Variants in PFKFB4 observed in about 807,000 individuals in gnomAD.
PFKFB4 encodes the protein 6-phosphofructo-2-kinase/fructose-2,6-bisphosphatase 4.
A neutral mutation model predicts 62.8 loss-of-function variants in PFKFB4; 42 were observed. The observed-to-expected ratio is 0.67, with a 90% CI of 0.52 to 0.86. The LOEUF is 0.86. Among genes scored for constraint, PFKFB4 ranks in the 40% least tolerant of loss-of-function variants. PFKFB4 has a pLI of 0.00. For missense variants in PFKFB4, 475 were observed against 627.2 expected, an observed-to-expected ratio of 0.76 and a Z score of 2.59; for synonymous variants, 204 against 240.7, an observed-to-expected ratio of 0.85 and a Z score of 1.41.
intron 1 of PFKFB4, among the ~76,000 whole-genome samples, chr3:48,551,662 A>T (rs895314852): frequency 4.8e-5 from 7 of 147,194 alleles, no homozygotes; most frequent in Non-Finnish European, 1.0e-4. Flanking sequence ...CTCGTGCCTC[A>T]GCCTCTCAAG....
At chr3:48,543,552 C>T in intron 4 of PFKFB4, 28 bp downstream of exon 4, 3 of 1,587,416 alleles carry the variant, frequency 1.9e-6, no homozygotes, top group Non-Finnish European at 2.6e-6. Flanking sequence ...TGTGTCACTC[C>T]CAGCTGTCAC....
At position 48,519,496 on chromosome 3, in the gene PFKFB4, C is replaced by T. The variant is rs749634456; in HGVS notation, c.*251G>A. ...GAAGAAACTGGGGCTGGGCAACCTC[C>T]GCGCAGCCCATGCAGATGCAGTCTG... On this transcript the variant is annotated 3_prime_UTR_variant, in exon 14 of 14. Transcript: ENST00000232375. The T allele has an allele frequency of 6.6e-4, 327 of 497,786 alleles. 2 individuals carry two copies. Among genetic ancestry groups the T allele is most frequent in the Non-Finnish European group, 1.0e-3 (284 of 276,634 alleles). The allele number at this position is 497,786 out of a possible 1,614,324, so 30.8% of individuals were successfully genotyped here. A position where few individuals can be genotyped will look rare whatever the true frequency, so the allele number is the denominator to read the frequency against.
chr3:48,538,633 G>C lies in PFKFB4; in HGVS notation c.511-14C>G. On this transcript the variant is annotated splice_polypyrimidine_tract_variant and intron_variant, in intron 6 of 13. Coordinates refer to ENST00000232375, the MANE Select transcript of PFKFB4 (RefSeq NM_004567.4). ...CAGTTTCACTTGCTGCCGGAGCCAGGCACAGAGAAAGGACATATCAGGGTC... is the reference window on the plus strand; with the variant it reads ...CAGTTTCACTTGCTGCCGGAGCCAGCCACAGAGAAAGGACATATCAGGGTC... 6.2e-7 allele frequency: 1 copy of C among 1,614,082 alleles called. No individual in the cohort carries two copies. The highest frequency in any genetic ancestry group is 1.1e-5 in the South Asian group (1 of 91,078).
chr3:48,540,662 C>T (rs557658021), intron 4 of PFKFB4, among the ~76,000 whole-genome samples: 2 of 151,794 alleles, frequency 1.3e-5, no homozygotes, highest in East Asian at 1.9e-4. Context: ...CAGGCTGGAG[C>T]GTAGTGGAGC....
intron 4 of PFKFB4, among the ~76,000 whole-genome samples, chr3:48,542,679 C>T (rs537507800): frequency 1.3e-5 from 2 of 152,162 alleles, no homozygotes; most frequent in Non-Finnish European, 1.5e-5. Context: ...AGAGATGAAG[C>T]TTTTAGGAAG....
intron 9 of PFKFB4, among the ~76,000 whole-genome samples, chr3:48,530,705 G>T (rs13069677): frequency 6.6e-6 from 1 of 151,030 alleles, no homozygotes; most frequent in Non-Finnish European, 1.5e-5. Flanking sequence ...GTTTTGTTTT[G>T]TTTTCTTTTC....
At position 48,538,577 on chromosome 3, in the gene PFKFB4, C is replaced by T. The variant is rs1436489090; in HGVS notation, c.553G>A (p.Asp185Asn). 1.2e-6 allele frequency: 2 copies of T among 1,614,206 alleles called. No individual in the cohort carries two copies. Among genetic ancestry groups the T allele is most frequent in the Non-Finnish European group, 1.7e-6 (2 of 1,180,036 alleles). ...GSPDYVNRDSDEATEDFMRRI... is the reference protein window; with the variant it reads ...GSPDYVNRDSNEATEDFMRRI... Reference sequence around the variant, plus strand: ...CTCATGAAGTCCTCCGTAGCCTCATCACTGTCGCGGTTGACATAGTCAGGG... The same window carrying T: ...CTCATGAAGTCCTCCGTAGCCTCATTACTGTCGCGGTTGACATAGTCAGGG... Residue 185 changes from aspartate (D) to asparagine (N), a missense_variant, in exon 7 of 14, where the codon GAT becomes AAT. Physicochemically the swap from Asp to Asn is conservative, Grantham distance 23 (BLOSUM62 1). Coordinates refer to ENST00000232375, the MANE Select transcript of PFKFB4 (RefSeq NM_004567.4).
intron 4 of PFKFB4, among the ~76,000 whole-genome samples, chr3:48,543,106 C>T (rs9869698): frequency 0.15 from 22,278 of 152,060 alleles, 3,663 homozygotes; most frequent in African/African-American, 0.4. Context: ...CTATATAAGG[C>T]TGGGGTAGAG....
At chr3:48,536,878 C>T in intron 7 of PFKFB4, 1 of 178,608 alleles carries the variant, frequency 5.6e-6, no homozygotes, top group South Asian at 1.3e-4. Context: ...GAGTAGCTGG[C>T]AAACGCTCCA....
chr3:48,532,215 C>T (rs1338446724), intron 9 of PFKFB4, among the ~76,000 whole-genome samples: 2 of 152,164 alleles, frequency 1.3e-5, no homozygotes, highest in Admixed American at 6.5e-5. Flanking sequence ...GAGGCTGAGG[C>T]AGGGGAATTG....
At chr3:48,562,915 C>G, upstream of PFKFB4, 1 of 1,604,514 alleles carries the variant, frequency 6.2e-7, no homozygotes, top group Non-Finnish European at 8.5e-7. The surrounding 1 kb of genome is among the most constrained non-coding windows in gnomAD (Gnocchi z 4.3). Flanking sequence ...GGACAATGCG[C>G]GAGCCAGGGT....
upstream of PFKFB4, chr3:48,561,586 C>T (rs902405502): frequency 1.3e-5 from 2 of 152,816 alleles, no homozygotes; most frequent in Non-Finnish European, 2.9e-5. The surrounding 1 kb of genome is among the most constrained non-coding windows in gnomAD (Gnocchi z 5.2). Context: ...GTATGACTCA[C>T]CCACCATGTG....
intron 9 of PFKFB4, among the ~76,000 whole-genome samples, chr3:48,530,037 G>A (rs1459362423): frequency 6.6e-6 from 1 of 151,952 alleles, no homozygotes. Context: ...TGGATCACCT[G>A]AGGTCAAGAG....
At chr3:48,539,194 C>T (rs1359356108) in intron 6 of PFKFB4, 60 bp downstream of exon 6, 21 of 1,355,766 alleles carry the variant, frequency 1.5e-5, no homozygotes, top group Non-Finnish European at 2.1e-5. Flanking sequence ...TTAGCCAAAA[C>T]CTGAAAAGGG....
At chr3:48,552,634 C>A (rs2043190695) in intron 1 of PFKFB4, among the ~76,000 whole-genome samples, 1 of 152,220 alleles carries the variant, frequency 6.6e-6, no homozygotes, top group Admixed American at 6.5e-5. Flanking sequence ...TCTCAAGCAA[C>A]CAAGGGCAGT....
At chr3:48,543,385 G>C (rs902400166) in intron 4 of PFKFB4, among the ~76,000 whole-genome samples, 195 bp downstream of exon 4, 1 of 152,344 alleles carries the variant, frequency 6.6e-6, no homozygotes, top group East Asian at 1.9e-4. Context: ...ATGCCCAGAG[G>C]GAAACTCCTG....
intron 6 of PFKFB4, 121 bp from the exon 7 acceptor site, chr3:48,538,740 C>G (rs2042708990): frequency 7.7e-7 from 1 of 1,299,724 alleles, no homozygotes; most frequent in East Asian, 2.5e-5. Flanking sequence ...GTGCGGGAAC[C>G]TGAGGCTGGA....
At chr3:48,555,292 C>A (rs1201529732) in intron 1 of PFKFB4, among the ~76,000 whole-genome samples, 1 of 152,172 alleles carries the variant, frequency 6.6e-6, no homozygotes, top group Non-Finnish European at 1.5e-5. Flanking sequence ...ACGACTTGGT[C>A]TGGTCAGAAA....
At position 48,556,430 on chromosome 3, in the gene PFKFB4, C is replaced by A. The variant is rs2043323163; in HGVS notation, c.97+251G>T. ...CCTCCCCGAGGTGATGGTGGCCAGA[C>A]CTAGCCACCGCCAAGCCGATATGCC... is the stretch of plus-strand genomic sequence containing the variant. On this transcript the variant is annotated intron_variant, in intron 1 of 13. Coordinates refer to ENST00000232375, the MANE Select transcript of PFKFB4 (RefSeq NM_004567.4). This position sits in a 1 kb window ranked among gnomAD's most constrained non-coding sequence, Gnocchi z 5.7. Among the ~76,000 whole-genome samples, 1 of 152,234 alleles carries A rather than the reference C, an allele frequency of 6.6e-6. No homozygotes were observed. Among genetic ancestry groups the A allele is most frequent in the Admixed American group, 6.5e-5 (1 of 15,294 alleles).
Sources: gnomAD v4.1 joint callset for allele counts (sites outside exome capture counted in the v4.1 genomes callset) on GRCh38, gnomAD v4.1.1 for gene constraint, Gnocchi (gnomAD v3.1) non-coding constraint, MANE v1.5 for transcripts, NCBI Gene and HGNC (gene_info 2026-07-23, HGNC 2026-07-21) for gene names.